Variants in SUGCT observed in about 807,000 individuals in gnomAD.
SUGCT encodes succinyl-CoA:glutarate-CoA transferase.
Under a neutral mutation model 55.0 loss-of-function variants are expected in SUGCT, and 41 were observed. The ratio of observed to expected loss-of-function variants is 0.74; its 90% CI spans 0.58 to 0.97. The LOEUF (loss-of-function observed/expected upper bound fraction) is 0.97, where lower values mean the gene tolerates loss of function less well. Among genes scored for constraint, SUGCT ranks in the 50% least tolerant of loss-of-function variants. The pLI is 0.00. For synonymous variants in SUGCT, 187 were observed against 200.4 expected, an observed-to-expected ratio of 0.93 and a Z score of 0.56; for missense variants, 568 against 547.8, an observed-to-expected ratio of 1.04 and a Z score of -0.37.
At chr7:40,526,004 G>A (rs987966116) in intron 12 of SUGCT, among the ~76,000 whole-genome samples, 2 of 152,068 alleles carry the variant, frequency 1.3e-5, no homozygotes, top group Non-Finnish European at 2.9e-5. Context: ...TCCCAAGAAT[G>A]GAACTAATTC....
At chr7:40,208,186 G>A (rs1267045390) in intron 6 of SUGCT, among the ~76,000 whole-genome samples, 1 of 152,180 alleles carries the variant, frequency 6.6e-6, no homozygotes, top group Non-Finnish European at 1.5e-5. Context: ...TTGGGAGGAA[G>A]GAGAGACTCG....
At chr7:40,703,070 T>C (rs1169871473) in intron 12 of SUGCT, among the ~76,000 whole-genome samples, 4 of 149,820 alleles carry the variant, frequency 2.7e-5, no homozygotes, top group Non-Finnish European at 5.9e-5. Context: ...GCTTTTTTTT[T>C]TTTTTTTTTT....
At chr7:40,357,292 A>G (rs1187607598) in intron 9 of SUGCT, among the ~76,000 whole-genome samples, 1 of 152,236 alleles carries the variant, frequency 6.6e-6, no homozygotes, top group African/African-American at 2.4e-5. Flanking sequence ...ATGTCATTAC[A>G]TAATAACCAA....
chr7:40,851,623 G>A (rs1362748626), intron 13 of SUGCT, among the ~76,000 whole-genome samples: 11 of 152,182 alleles, frequency 7.2e-5, no homozygotes, highest in Admixed American at 7.2e-4. Context: ...ATCCCTTAGA[G>A]GACCACAGGC....
chr7:40,958,135 T>C, the SUGCT span, among the ~76,000 whole-genome samples: 6 of 152,248 alleles, frequency 3.9e-5, no homozygotes, highest in East Asian at 1.2e-3. Context: ...GACCATTATG[T>C]GTCTTGGGGT....
intron 12 of SUGCT, chr7:40,539,823 C>G (rs1433432431): frequency 1.3e-5 from 2 of 152,178 alleles, no homozygotes; most frequent in Non-Finnish European, 2.9e-5. Flanking sequence ...CCAATACTAA[C>G]TAAATACCAG....
chr7:40,291,923 C>T (rs1793805934), intron 8 of SUGCT, among the ~76,000 whole-genome samples: 1 of 152,202 alleles, frequency 6.6e-6, no homozygotes, highest in South Asian at 2.1e-4. Flanking sequence ...CAGATTCTCA[C>T]TTGAGAGCCT....
At chr7:40,244,123 A>G (rs1327275876) in intron 7 of SUGCT, among the ~76,000 whole-genome samples, 2 of 152,206 alleles carry the variant, frequency 1.3e-5, no homozygotes, top group African/African-American at 2.4e-5. Flanking sequence ...CTGTGAGCCC[A>G]GATTGCGCCA....
the SUGCT span, among the ~76,000 whole-genome samples, chr7:40,973,829 GCATATAA>G: frequency 6.6e-6 from 1 of 152,106 alleles, no homozygotes; most frequent in South Asian, 2.1e-4. Flanking sequence ...TGACACCAAA[GCATATAA>G]CCCAAGACAG....
intron 9 of SUGCT, among the ~76,000 whole-genome samples, chr7:40,433,918 A>C (rs1346558166): frequency 6.6e-6 from 1 of 152,208 alleles, no homozygotes; most frequent in Non-Finnish European, 1.5e-5. Flanking sequence ...CTCTAAAATC[A>C]AACAGAATTT....
chr7:41,034,879 C>A, the SUGCT span, among the ~76,000 whole-genome samples: 1 of 152,150 alleles, frequency 6.6e-6, no homozygotes, highest in Non-Finnish European at 1.5e-5. Context: ...AATAAGGCCC[C>A]CAGCCTCAGA....
At chr7:40,332,643 CTT>C (rs750021602) in intron 9 of SUGCT, among the ~76,000 whole-genome samples, 18 of 152,060 alleles carry the variant, frequency 1.2e-4, no homozygotes, top group Non-Finnish European at 1.9e-4. Context: ...GGGAACAAAA[CTT>C]ATAATAGTGT....
chr7:40,364,892 A>T (rs2151232936), intron 9 of SUGCT, among the ~76,000 whole-genome samples: 1 of 152,228 alleles, frequency 6.6e-6, no homozygotes, highest in African/African-American at 2.4e-5. Context: ...AAAAGAGGGA[A>T]TCCTCCCTAA....
intron 12 of SUGCT, among the ~76,000 whole-genome samples, chr7:40,695,415 C>G (rs1784882332): frequency 6.6e-6 from 1 of 151,914 alleles, no homozygotes; most frequent in Admixed American, 6.6e-5. Context: ...CCAGGCTGGT[C>G]TCGAGCTCAT....
At chr7:41,017,214 G>A in the SUGCT span, among the ~76,000 whole-genome samples, 3 of 151,734 alleles carry the variant, frequency 2.0e-5, no homozygotes, top group East Asian at 5.8e-4. Flanking sequence ...TATATACAAA[G>A]TCTCCCCTAA....
At chr7:40,657,084 A>G (rs561870112) in intron 12 of SUGCT, among the ~76,000 whole-genome samples, 1 of 152,332 alleles carries the variant, frequency 6.6e-6, no homozygotes, top group African/African-American at 2.4e-5. Context: ...GTTGGACAGA[A>G]TAACTGGAGG....
intron 10 of SUGCT, among the ~76,000 whole-genome samples, chr7:40,451,888 A>G (rs1789210093): frequency 1.3e-5 from 2 of 152,194 alleles, no homozygotes; most frequent in South Asian, 4.1e-4. Flanking sequence ...TTGTTATTCA[A>G]ACTGGGCTTA....
At chr7:40,267,636 G>C (rs1267659280) in intron 7 of SUGCT, among the ~76,000 whole-genome samples, 1 of 152,184 alleles carries the variant, frequency 6.6e-6, no homozygotes, top group Admixed American at 6.5e-5. Flanking sequence ...GCAGGGCTCT[G>C]TGGAGTTCCA....
At chr7:40,999,259 T>C in the SUGCT span, among the ~76,000 whole-genome samples, 1 of 152,030 alleles carries the variant, frequency 6.6e-6, no homozygotes, top group East Asian at 1.9e-4. Flanking sequence ...CTTGTCTTCC[T>C]GAAGCAAGAC....
Sources: gnomAD v4.1 joint callset for allele counts (sites outside exome capture counted in the v4.1 genomes callset) on GRCh38, gnomAD v4.1.1 for gene constraint, MANE v1.5 for transcripts, NCBI Gene and HGNC (gene_info 2026-07-23, HGNC 2026-07-21) for gene names.